Variants in EYS observed in about 807,000 individuals in gnomAD.
EYS encodes the protein EGF-like photoreceptor maintenance factor, also known as protein eyes shut homolog.
A neutral mutation model predicts 282.1 loss-of-function variants in EYS; 250 were observed. That is an observed-to-expected ratio of 0.89 (90% CI 0.80 to 0.98). The LOEUF (loss-of-function observed/expected upper bound fraction) is 0.98, where lower values mean the gene tolerates loss of function less well. Among genes scored for constraint, EYS ranks in the 50% least tolerant of loss-of-function variants. The pLI is 0.00. For missense variants in EYS, 4,016 were observed against 3,709.0 expected (o/e 1.08, Z -2.15); for synonymous variants, 1,355 against 1,282.9 (o/e 1.06, Z -1.20).
At chr6:64,462,765 T>A (rs1228355867) in intron 26 of EYS, among the ~76,000 whole-genome samples, 2 of 152,088 alleles carry the variant, frequency 1.3e-5, no homozygotes, top group African/African-American at 2.4e-5. Context: ...ACAAATATTT[T>A]ACTAATTATT....
chr6:64,257,561 C>T (rs879914629), intron 30 of EYS, among the ~76,000 whole-genome samples: 1 of 151,950 alleles, frequency 6.6e-6, no homozygotes, highest in East Asian at 1.9e-4. Context: ...AAAGGCAGGG[C>T]CTATGACTTT....
At chr6:63,996,925 C>A (rs1013298508) in intron 34 of EYS, among the ~76,000 whole-genome samples, 1 of 151,976 alleles carries the variant, frequency 6.6e-6, no homozygotes, top group African/African-American at 2.4e-5. Context: ...TTTTCTTATC[C>A]AACCTAGAAT....
At chr6:65,300,427 T>C (rs1238375082) in intron 11 of EYS, among the ~76,000 whole-genome samples, 5 of 152,040 alleles carry the variant, frequency 3.3e-5, no homozygotes, top group African/African-American at 1.2e-4. Context: ...AACTATTTTT[T>C]TCTACCTTTT....
chr6:65,459,965 A>ATT (rs1341336374), intron 5 of EYS, among the ~76,000 whole-genome samples: 25 of 60,432 alleles, frequency 4.1e-4, no homozygotes, highest in South Asian at 1.4e-3. Context: ...GTGTTTGTGT[A>ATT]TTTTATATAT....
In EYS at chr6:65,089,740, G is replaced by A. The variant is rs575922832; in HGVS notation, c.2024-32013C>T. On this transcript the variant is annotated intron_variant, in intron 12 of 42. Coordinates refer to ENST00000503581, the MANE Select transcript of EYS (RefSeq NM_001142800.2). The stretch of plus-strand genomic sequence containing the variant: ...AGGCCAAGGCGGGAGAATCACTTGA[G>A]GTTAGGAGATTGAGATCAGCCCAGC... Among the ~76,000 whole-genome samples the A allele has an allele frequency of 3.3e-5, 5 of 151,936 alleles. 1 individual carries two copies. The South Asian group carries it at 1.0e-3, about 32-fold the overall frequency.
chr6:64,717,829 T>G (rs1053435478), intron 22 of EYS, among the ~76,000 whole-genome samples: 4 of 152,198 alleles, frequency 2.6e-5, no homozygotes, highest in African/African-American at 9.7e-5. Context: ...GAATGCTTAT[T>G]TATTGGGCCA....
rs1332695419 is a variant in EYS at position 65,130,952 on chromosome 6, A to G, written c.2024-73225T>C. On this transcript the variant is annotated intron_variant, in intron 12 of 42. Transcript: ENST00000503581. ...ACTAACTCAATAAGAAAGAAAAAATACATTGACAGAAATAAACTATTTGGG... is the reference window on the plus strand; with the variant it reads ...ACTAACTCAATAAGAAAGAAAAAATGCATTGACAGAAATAAACTATTTGGG... Among the ~76,000 whole-genome samples, 3 of 151,758 alleles carry G rather than the reference A, an allele frequency of 2.0e-5. No individual in the cohort carries two copies. The East Asian group carries it at 5.8e-4, about 29-fold the overall frequency.
intron 28 of EYS, among the ~76,000 whole-genome samples, chr6:64,426,484 T>A (rs1774412629): frequency 6.6e-6 from 1 of 152,036 alleles, no homozygotes; most frequent in South Asian, 2.1e-4. Flanking sequence ...AGGAACAGAA[T>A]CAAAGTAATA....
At chr6:64,288,324 G>C (rs893701343) in intron 30 of EYS, among the ~76,000 whole-genome samples, 5 of 152,110 alleles carry the variant, frequency 3.3e-5, no homozygotes, top group African/African-American at 1.2e-4. Context: ...CAGCCTGCTG[G>C]ACATATATAC....
At chr6:63,881,328 C>A (rs866192372) in intron 35 of EYS, among the ~76,000 whole-genome samples, 5 of 152,258 alleles carry the variant, frequency 3.3e-5, no homozygotes, top group Middle Eastern at 6.8e-3. Context: ...AGAAATAGAA[C>A]TGATTTGGAA....
At chr6:64,244,395 T>C (rs1393536518) in intron 30 of EYS, among the ~76,000 whole-genome samples, 7 of 152,204 alleles carry the variant, frequency 4.6e-5, no homozygotes, top group African/African-American at 1.7e-4. Context: ...ATCAGTTCTG[T>C]AGGAAACTTG....
intron 30 of EYS, among the ~76,000 whole-genome samples, chr6:64,271,002 A>G (rs1010173238): frequency 2.0e-5 from 3 of 152,206 alleles, no homozygotes; most frequent in African/African-American, 7.2e-5. Context: ...GTTTATCTCT[A>G]GGTCGCTCAG....
chr6:65,165,378 TAG>T (rs995529764), intron 12 of EYS, among the ~76,000 whole-genome samples: 14 of 151,184 alleles, frequency 9.3e-5, no homozygotes, highest in Admixed American at 5.3e-4. Flanking sequence ...AATTTTATTT[TAG>T]AGTGTGTCTA....
At chr6:65,314,362 A>T (rs1446192073) in intron 11 of EYS, among the ~76,000 whole-genome samples, 1 of 144,698 alleles carries the variant, frequency 6.9e-6, no homozygotes, top group Non-Finnish European at 1.5e-5. Context: ...TCGGGTTTTT[A>T]TCTGTTTTCG....
Position 63,721,736 on chromosome 6 carries a change from G to C in EYS, c.8295C>G (p.Asp2765Glu). The stretch of plus-strand genomic sequence containing the variant: ...GGAGAGTTTCTAGAATGATAGTTCT[G>C]TCGCCAAGGTTGTAGCGAAGTTGAA... ...SSVQLRYNLGDRTIILETLQK... is the reference protein window; with the variant it reads ...SSVQLRYNLGERTIILETLQK... The change falls in exon 43 of 43, where the codon GAC (aspartate) becomes GAG (glutamate). Residue 2765 changes from aspartate (D) to glutamate (E), a missense_variant. Coordinates refer to ENST00000503581, the MANE Select transcript of EYS (RefSeq NM_001142800.2). The C allele has an allele frequency of 6.4e-7, 1 of 1,550,580 alleles. No homozygotes were observed. The highest frequency in any genetic ancestry group is 8.7e-7 in the Non-Finnish European group (1 of 1,146,018).
At chr6:64,342,814 T>C (rs1403412172) in intron 29 of EYS, among the ~76,000 whole-genome samples, 1 of 152,010 alleles carries the variant, frequency 6.6e-6, no homozygotes, top group Non-Finnish European at 1.5e-5. Context: ...GAAACCCATC[T>C]CACGTGCAGA....
At chr6:64,737,678 T>C (rs1331795605) in intron 22 of EYS, among the ~76,000 whole-genome samples, 1 of 152,220 alleles carries the variant, frequency 6.6e-6, no homozygotes, top group Non-Finnish European at 1.5e-5. Flanking sequence ...GCAGAGCTGC[T>C]TCCTTTGTAG....
chr6:64,310,611 G>A (rs1769655106), intron 29 of EYS, among the ~76,000 whole-genome samples: 2 of 152,138 alleles, frequency 1.3e-5, no homozygotes, highest in Admixed American at 1.3e-4. Flanking sequence ...AGAAGGGAGA[G>A]GATGAGGAAA....
At position 64,902,242 on chromosome 6, in the gene EYS, A is replaced by G. The variant is rs543762908; in HGVS notation, c.2739-22T>C. 45 of 1,485,026 alleles carry G rather than the reference A, an allele frequency of 3.0e-5. 1 individual carries two copies. In the Middle Eastern group the frequency reaches 6.9e-4, roughly 23 times the overall value. The allele number at this position is 1,485,026 out of a possible 1,614,324, so 92.0% of individuals were successfully genotyped here. On this transcript the variant is annotated intron_variant, in intron 17 of 42. Coordinates refer to ENST00000503581, the MANE Select transcript of EYS (RefSeq NM_001142800.2). ...ACACCTTTTAAACAAAAAATTTAGT[A>G]ACTCCATTAGTATATATGTATAAAA...
Sources: allele counts gnomAD v4.1 joint callset (sites outside exome capture counted in the v4.1 genomes callset), GRCh38; gene constraint gnomAD v4.1.1; transcripts MANE v1.5; gene names NCBI Gene and HGNC (gene_info 2026-07-23, HGNC 2026-07-21).